Variants in MAP7 observed in about 807,000 individuals in gnomAD.
MAP7 encodes the protein ensconsin.
In MAP7, 52 loss-of-function variants were observed where a neutral mutation model predicts 94.8. The observed-to-expected ratio is 0.55, with a 90% CI of 0.44 to 0.69. MAP7 has a LOEUF of 0.69. Ranked by LOEUF, MAP7 falls within the 30% of genes least tolerant of loss-of-function variation. The pLI, the probability that MAP7 is intolerant of heterozygous loss-of-function variation, is 0.00. For synonymous variants in MAP7, 350 were observed against 357.0 expected (o/e 0.98, Z 0.22); for missense variants, 940 against 964.6 (o/e 0.97, Z 0.34).
intron 7 of MAP7, among the ~76,000 whole-genome samples, chr6:136,373,189 A>G (rs1775077043): frequency 6.6e-6 from 1 of 152,208 alleles, no homozygotes; most frequent in Non-Finnish European, 1.5e-5. Flanking sequence ...ATGTTAAGTG[A>G]ACAAGTCTTA....
chr6:136,360,822 G>A (rs1221686279), intron 12 of MAP7, 24 bp from the exon 13 acceptor site: 1 of 1,610,690 alleles, frequency 6.2e-7, no homozygotes, highest in South Asian at 1.1e-5. Flanking sequence ...GTCGGCGTCT[G>A]CCTCTGACAA....
intron 2 of MAP7, chr6:136,420,276 G>T: frequency 2.2e-6 from 2 of 890,660 alleles, no homozygotes; most frequent in Non-Finnish European, 3.7e-6. Context: ...AGAAGAGCCG[G>T]CCATGCTTCC....
chr6:136,404,874 T>C (rs879761735), intron 3 of MAP7, among the ~76,000 whole-genome samples: 3 of 152,210 alleles, frequency 2.0e-5, no homozygotes, highest in African/African-American at 4.8e-5. Flanking sequence ...TGTCGACATA[T>C]TGTAGAACTA....
At chr6:136,419,887 G>A (rs1399360479) in intron 2 of MAP7, 1 of 516,322 alleles carries the variant, frequency 1.9e-6, no homozygotes, top group East Asian at 3.9e-5. Flanking sequence ...TCAAGACTGA[G>A]GATTATCCAC....
intron 1 of MAP7, among the ~76,000 whole-genome samples, chr6:136,533,141 G>A (rs1442886678): frequency 2.0e-5 from 3 of 152,220 alleles, no homozygotes; most frequent in Admixed American, 6.5e-5. Flanking sequence ...GCATGGTGGC[G>A]CATGCCTGTA....
chr6:136,361,125 A>G lies in MAP7; in HGVS notation c.1581T>C (p.Arg527=). Residue 527 remains arginine, a synonymous_variant, in exon 12 of 18, where the codon CGT becomes CGC. Transcript: ENST00000354570. ...QRVAEERTTR[R]EEESRRLEAE... ...CTTCCAGCCTGCGCGACTCCTCCTC[A>G]CGGCGAGTCGTCCTCTCTTCAGCCA... 6.2e-7 allele frequency: 1 copy of G among 1,605,416 alleles called. No individual in the cohort carries two copies. Among genetic ancestry groups the G allele is most frequent in the East Asian group, 2.2e-5 (1 of 44,868 alleles).
At chr6:136,441,733 G>A (rs1223914004) in intron 1 of MAP7, among the ~76,000 whole-genome samples, 1 of 152,140 alleles carries the variant, frequency 6.6e-6, no homozygotes, top group Non-Finnish European at 1.5e-5. Flanking sequence ...CAAACTACAG[G>A]TCAGGCTGTG....
intron 1 of MAP7, among the ~76,000 whole-genome samples, chr6:136,457,672 C>G (rs1803776326): frequency 6.6e-6 from 1 of 151,864 alleles, no homozygotes; most frequent in South Asian, 2.1e-4. Context: ...ATGTGACACA[C>G]CATAGTAACA....
intron 1 of MAP7, among the ~76,000 whole-genome samples, chr6:136,487,265 A>G (rs149735340): frequency 5.1e-3 from 781 of 152,346 alleles, no homozygotes; most frequent in Middle Eastern, 0.027. Flanking sequence ...GGGTTGTAAA[A>G]TCATATATGT....
intron 7 of MAP7, 25 bp from the exon 8 acceptor site, chr6:136,372,650 C>G (rs1319018883): frequency 6.2e-7 from 1 of 1,614,038 alleles, no homozygotes; most frequent in Non-Finnish European, 8.5e-7. Flanking sequence ...ATGGGGATAA[C>G]TAGGGTGCAG....
chr6:136,349,498 C>T (rs1048988781), intron 16 of MAP7, among the ~76,000 whole-genome samples: 4 of 152,220 alleles, frequency 2.6e-5, no homozygotes, highest in Admixed American at 2.0e-4. Flanking sequence ...CTCAGCCTCC[C>T]GCGTATCTGG....
intron 1 of MAP7, among the ~76,000 whole-genome samples, chr6:136,456,253 C>T (rs368472121): frequency 3.9e-5 from 6 of 152,130 alleles, no homozygotes; most frequent in African/African-American, 1.4e-4. Context: ...TTTTGCCTTT[C>T]CTATAGGGAA....
In MAP7 at chr6:136,391,160, A is replaced by G. The variant is rs1453054555; in HGVS notation, c.245-1643T>C. 3.3e-5 allele frequency among the ~76,000 whole-genome samples: 5 copies of G among 152,122 alleles called. No homozygotes were observed. The East Asian group carries it at 9.6e-4, about 29-fold the overall frequency. ...TATTGTGAATAGTGCCGCAATAAAC[A>G]ACAATGATAGACTGGATTAAGAAAA... On this transcript the variant is annotated intron_variant, in intron 3 of 17. Transcript: ENST00000354570.
intron 1 of MAP7, among the ~76,000 whole-genome samples, chr6:136,509,911 T>C (rs1416715265): frequency 6.6e-6 from 1 of 152,102 alleles, no homozygotes; most frequent in African/African-American, 2.4e-5. Flanking sequence ...ATGTTAAGAT[T>C]GAGGTATATG....
At chr6:136,480,368 T>G (rs1433501834) in intron 1 of MAP7, among the ~76,000 whole-genome samples, 2 of 152,100 alleles carry the variant, frequency 1.3e-5, no homozygotes, top group African/African-American at 4.8e-5. Context: ...TTCTTACATC[T>G]AACACTTCAA....
At chr6:136,379,050 C>T (rs1019121254) in intron 6 of MAP7, among the ~76,000 whole-genome samples, 1 of 152,102 alleles carries the variant, frequency 6.6e-6, no homozygotes, top group African/African-American at 2.4e-5. Context: ...CTGTCTACAC[C>T]TGAAAAGGCT....
chr6:136,377,951 A>G, intron 6 of MAP7, 83 bp from the exon 7 acceptor site: 1 of 978,398 alleles, frequency 1.0e-6, no homozygotes, highest in Non-Finnish European at 1.6e-6. Context: ...TATTGCTTCC[A>G]TACGCTGGGC....
chr6:136,454,279 C>CTATCTATCT (rs1554258967), intron 1 of MAP7, among the ~76,000 whole-genome samples: 2 of 145,358 alleles, frequency 1.4e-5, no homozygotes, highest in Non-Finnish European at 3.0e-5. Context: ...AATGATCTAT[C>CTATCTATCT]TATCTATCTA....
At chr6:136,406,117 T>C (rs1238861059) in intron 3 of MAP7, among the ~76,000 whole-genome samples, 5 of 152,160 alleles carry the variant, frequency 3.3e-5, no homozygotes, top group African/African-American at 4.8e-5. Flanking sequence ...GTTGCATAAA[T>C]TCTATATACT....
Sources: allele counts gnomAD v4.1 joint callset (sites outside exome capture counted in the v4.1 genomes callset), GRCh38; gene constraint gnomAD v4.1.1; transcripts MANE v1.5; gene names NCBI Gene and HGNC (gene_info 2026-07-23, HGNC 2026-07-21).